Variants in CRACD observed in about 807,000 individuals in gnomAD.
CRACD encodes the protein capping protein-inhibiting regulator of actin dynamics.
CRACD carries 56 observed loss-of-function variants against 106.8 expected under a neutral mutation model. That is an observed-to-expected ratio of 0.52 (90% CI 0.42 to 0.66). The LOEUF (loss-of-function observed/expected upper bound fraction) is 0.66, where lower values mean the gene tolerates loss of function less well. Among genes scored for constraint, CRACD ranks in the 30% least tolerant of loss-of-function variants. The pLI, the probability that CRACD is intolerant of heterozygous loss-of-function variation, is 0.00. For synonymous variants in CRACD, 754 were observed against 670.8 expected (o/e 1.12, Z -1.92); for missense variants, 1,730 against 1,623.2 (o/e 1.07, Z -1.13).
chr4:56,291,513 G>C (rs529278872), intron 3 of CRACD, among the ~76,000 whole-genome samples: 1 of 152,096 alleles, frequency 6.6e-6, no homozygotes, highest in African/African-American at 2.4e-5. Flanking sequence ...TGGAACTTTG[G>C]GCAATATTTT....
chr4:56,139,736 C>A (rs1311947565), intron 1 of CRACD, among the ~76,000 whole-genome samples: 2 of 152,010 alleles, frequency 1.3e-5, no homozygotes, highest in South Asian at 4.2e-4. Flanking sequence ...CCTGGGAGTA[C>A]AAGGAATTTG....
At chr4:56,214,641 C>G (rs1738572398) in intron 2 of CRACD, among the ~76,000 whole-genome samples, 1 of 138,564 alleles carries the variant, frequency 7.2e-6, no homozygotes, top group African/African-American at 2.7e-5. Context: ...AGCCTGGCGA[C>G]AGAGCTAGAC....
intron 2 of CRACD, among the ~76,000 whole-genome samples, chr4:56,271,515 G>A (rs1742344215): frequency 6.6e-6 from 1 of 151,972 alleles, no homozygotes; most frequent in South Asian, 2.1e-4. Flanking sequence ...ATCTAATAAA[G>A]GCCAAAACAG....
intron 1 of CRACD, among the ~76,000 whole-genome samples, chr4:56,167,698 C>T (rs1278521196): frequency 6.6e-6 from 1 of 152,150 alleles, no homozygotes; most frequent in Non-Finnish European, 1.5e-5. Context: ...TAGGATTTCC[C>T]TCTTTTCAAA....
Position 56,313,352 on chromosome 4 carries a change from G to A in CRACD, c.510G>A (p.Val170=). The A allele has an allele frequency of 6.2e-7, 1 of 1,614,076 alleles. No homozygotes were observed. Among genetic ancestry groups the A allele is most frequent in the Non-Finnish European group, 8.5e-7 (1 of 1,180,028 alleles). ...KLAVKPKKQR[V]SKKHRRLAQD... is the part of the protein sequence containing the mutation. Reference sequence around the variant, plus strand: ...CTGTTAAGCCAAAAAAACAGAGGGTGTCAAAGAAGCACAGGCGCCTTGCCC... The same window carrying A: ...CTGTTAAGCCAAAAAAACAGAGGGTATCAAAGAAGCACAGGCGCCTTGCCC... Residue 170 remains valine (V), a synonymous_variant, in exon 7 of 11, where the codon GTG becomes GTA. Transcript: ENST00000682029.
intron 2 of CRACD, among the ~76,000 whole-genome samples, chr4:56,237,154 A>G (rs530060752): frequency 1.3e-5 from 2 of 152,252 alleles, no homozygotes; most frequent in Non-Finnish European, 2.9e-5. Flanking sequence ...TGAAATGTCC[A>G]TTAATAGGGG....
chr4:56,182,863 A>G (rs112401119), intron 2 of CRACD, among the ~76,000 whole-genome samples: 9,319 of 144,808 alleles, frequency 0.064, 817 homozygotes, highest in African/African-American at 0.2. Context: ...AAAAAAAGAT[A>G]TGTGTGTGTG....
chr4:56,235,843 G>C (rs1739934138), intron 2 of CRACD, among the ~76,000 whole-genome samples: 1 of 152,182 alleles, frequency 6.6e-6, no homozygotes, highest in Non-Finnish European at 1.5e-5. Flanking sequence ...GCACATACAA[G>C]ACAAGGGTTG....
chr4:56,209,734 C>A (rs1738305557), intron 2 of CRACD, among the ~76,000 whole-genome samples: 6 of 152,118 alleles, frequency 3.9e-5, no homozygotes. Context: ...TTTTAACTTA[C>A]AAATGACTCC....
chr4:56,279,466 A>T (rs900041657), intron 3 of CRACD, among the ~76,000 whole-genome samples: 1 of 152,222 alleles, frequency 6.6e-6, no homozygotes, highest in Admixed American at 6.5e-5. Flanking sequence ...AAACAACCCC[A>T]TCAACAAGTG....
chr4:56,107,611 T>G (rs1053199260), intron 1 of CRACD, among the ~76,000 whole-genome samples: 1 of 152,194 alleles, frequency 6.6e-6, no homozygotes, highest in African/African-American at 2.4e-5. Flanking sequence ...GGCTACCCCA[T>G]GGAGTGGCAA....
chr4:56,327,946 T>C lies in CRACD; in HGVS notation c.*142T>C, dbSNP rs1746567615. The C allele has an allele frequency of 2.7e-6, 2 of 728,610 alleles. No individual in the cohort carries two copies. Among genetic ancestry groups the C allele is most frequent in the Non-Finnish European group, 4.3e-6 (2 of 461,538 alleles). The allele number at this position is 728,610 out of a possible 1,614,324, so 45.1% of individuals were successfully genotyped here. A position where few individuals can be genotyped will look rare whatever the true frequency, so the allele number is the denominator to read the frequency against. ...AGGCTCCAAAATAATGTTTAGAAACTGAACTGGTGGTGTTCATTGTAAAGA... is the reference window on the plus strand; with the variant it reads ...AGGCTCCAAAATAATGTTTAGAAACCGAACTGGTGGTGTTCATTGTAAAGA... On this transcript the variant is annotated 3_prime_UTR_variant, in exon 11 of 11. Coordinates refer to ENST00000682029, the MANE Select transcript of CRACD (RefSeq NM_001393381.1).
intron 2 of CRACD, among the ~76,000 whole-genome samples, chr4:56,243,096 G>C (rs1164645176): frequency 2.0e-5 from 3 of 152,170 alleles, no homozygotes; most frequent in Non-Finnish European, 4.4e-5. Context: ...AAAGAACATG[G>C]ATGACTGGGT....
chr4:56,074,165 C>T lies in CRACD; in HGVS notation c.-336+24866C>T, dbSNP rs1328853288. ...TTTGCTTAGGATTGTCTTGGCTATA[C>T]GAGCTCTTTTTTGGTTCCATATGGA... On this transcript the variant is annotated intron_variant, in intron 1 of 10. Transcript: ENST00000682029. Among the ~76,000 whole-genome samples the T allele has an allele frequency of 2.0e-5, 3 of 152,190 alleles. 1 individual carries two copies. The highest frequency in any genetic ancestry group is 2.0e-4 in the Admixed American group (3 of 15,296).
intron 2 of CRACD, among the ~76,000 whole-genome samples, chr4:56,189,435 A>G (rs1737257613): frequency 6.6e-6 from 1 of 152,082 alleles, no homozygotes; most frequent in East Asian, 1.9e-4. Context: ...TTTAGGGTAC[A>G]TGTGCACAAC....
At chr4:56,163,713 A>G (rs1736038925) in intron 1 of CRACD, among the ~76,000 whole-genome samples, 1 of 151,858 alleles carries the variant, frequency 6.6e-6, no homozygotes, top group Non-Finnish European at 1.5e-5. Context: ...TCTTCCTGTT[A>G]TTTTGATTTT....
chr4:56,306,847 G>T (rs552041525), intron 4 of CRACD, among the ~76,000 whole-genome samples: 3 of 152,088 alleles, frequency 2.0e-5, no homozygotes, highest in African/African-American at 7.2e-5. Flanking sequence ...CCTTTGTCAC[G>T]GTTAGGTGGC....
At chr4:56,065,349 G>A (rs963897532) in intron 1 of CRACD, among the ~76,000 whole-genome samples, 1 of 152,032 alleles carries the variant, frequency 6.6e-6, no homozygotes, top group Non-Finnish European at 1.5e-5. Flanking sequence ...CAGCCTCCCA[G>A]AGTGCTGGGA....
chr4:56,127,409 G>A (rs1734694246), intron 1 of CRACD, among the ~76,000 whole-genome samples: 1 of 152,188 alleles, frequency 6.6e-6, no homozygotes, highest in Non-Finnish European at 1.5e-5. Context: ...AGGAAAGAGA[G>A]GAGTGCATTT....
Sources: gnomAD v4.1 joint callset for allele counts (sites outside exome capture counted in the v4.1 genomes callset) on GRCh38, gnomAD v4.1.1 for gene constraint, MANE v1.5 for transcripts, NCBI Gene and HGNC (gene_info 2026-07-23, HGNC 2026-07-21) for gene names.